Variants in GPC5 observed in about 807,000 individuals in gnomAD.
GPC5 encodes the protein glypican-5.
A neutral mutation model predicts 53.9 loss-of-function variants in GPC5; 47 were observed. That is an observed-to-expected ratio of 0.87 (90% CI 0.69 to 1.11). The LOEUF (loss-of-function observed/expected upper bound fraction) is 1.11. GPC5 is among the 50% of genes most tolerant of loss of function. GPC5 has a pLI of 0.00. For synonymous variants in GPC5, 286 were observed against 263.3 expected (o/e 1.09, Z -0.84); for missense variants, 748 against 713.1 (o/e 1.05, Z -0.56).
At chr13:92,470,439 G>A (rs1378260674) in intron 7 of GPC5, among the ~76,000 whole-genome samples, 2 of 152,054 alleles carry the variant, frequency 1.3e-5, no homozygotes, top group Non-Finnish European at 2.9e-5. Flanking sequence ...AGGTATATAT[G>A]TGCCATGGTG....
chr13:92,819,660 TA>T (rs1368157623), intron 7 of GPC5, among the ~76,000 whole-genome samples: 4 of 152,234 alleles, frequency 2.6e-5, no homozygotes, highest in African/African-American at 4.8e-5. Flanking sequence ...AGAGAGTATT[TA>T]TTATCATTCA....
At chr13:91,877,255 A>G (rs2039213353) in intron 5 of GPC5, among the ~76,000 whole-genome samples, 1 of 152,176 alleles carries the variant, frequency 6.6e-6, no homozygotes. Context: ...CTGTGAGAAG[A>G]GGGCTGCTGT....
chr13:91,949,471 G>T (rs2040006285), intron 6 of GPC5, among the ~76,000 whole-genome samples: 1 of 152,108 alleles, frequency 6.6e-6, no homozygotes, highest in African/African-American at 2.4e-5. Context: ...ACAGCAAAAA[G>T]AAAATAATGA....
chr13:92,517,494 G>C (rs535535752), intron 7 of GPC5, among the ~76,000 whole-genome samples: 11 of 152,296 alleles, frequency 7.2e-5, no homozygotes, highest in Admixed American at 5.9e-4. Flanking sequence ...GAAGCTTCCA[G>C]AGGAACGATC....
intron 6 of GPC5, among the ~76,000 whole-genome samples, chr13:92,135,864 C>T (rs1400399736): frequency 1.3e-5 from 2 of 152,156 alleles, no homozygotes; most frequent in Non-Finnish European, 2.9e-5. Context: ...CATTGTAAAG[C>T]GCGTTCGGCT....
chr13:92,715,290 T>C (rs1261924950), intron 7 of GPC5, among the ~76,000 whole-genome samples: 1 of 152,158 alleles, frequency 6.6e-6, no homozygotes, highest in Non-Finnish European at 1.5e-5. Flanking sequence ...AGAAGTACTA[T>C]TTATAGACTG....
chr13:91,561,289 A>G (rs1180921035), intron 2 of GPC5, among the ~76,000 whole-genome samples: 1 of 152,118 alleles, frequency 6.6e-6, no homozygotes, highest in South Asian at 2.1e-4. Flanking sequence ...GAGGGCCATT[A>G]TGGTAGGAAG....
chr13:91,939,945 C>T (rs184605262), intron 6 of GPC5, among the ~76,000 whole-genome samples: 8 of 152,230 alleles, frequency 5.3e-5, no homozygotes, highest in Admixed American at 4.6e-4. Flanking sequence ...CTCTTTTGGG[C>T]CCTGTTTAGA....
chr13:92,216,790 G>C (rs2042413414), intron 7 of GPC5, among the ~76,000 whole-genome samples: 1 of 151,934 alleles, frequency 6.6e-6, no homozygotes, highest in East Asian at 1.9e-4. Flanking sequence ...GACCAGCCTG[G>C]CCAACATGGT....
intron 2 of GPC5, among the ~76,000 whole-genome samples, chr13:91,512,529 A>G (rs1446835639): frequency 6.6e-6 from 1 of 152,198 alleles, no homozygotes; most frequent in Non-Finnish European, 1.5e-5. Context: ...GTACTGGGCC[A>G]TGTCCCTGCA....
At chr13:92,106,691 C>T (rs1180661216) in intron 6 of GPC5, among the ~76,000 whole-genome samples, 2 of 152,094 alleles carry the variant, frequency 1.3e-5, no homozygotes, top group East Asian at 3.9e-4. Context: ...GGTAATTGTT[C>T]ATGTGTGCTA....
chr13:91,955,356 G>A (rs1219417411), intron 6 of GPC5, among the ~76,000 whole-genome samples: 1 of 152,192 alleles, frequency 6.6e-6, no homozygotes, highest in Non-Finnish European at 1.5e-5. Context: ...ATGTTATATT[G>A]TGGAAGATGG....
rs750477856 is a variant in GPC5 at position 91,768,502 on chromosome 13, C to T, written c.1280+12082C>T. Among the ~76,000 whole-genome samples, 76 of 151,986 alleles carry T rather than the reference C, an allele frequency of 5.0e-4. 1 individual carries two copies. Among genetic ancestry groups the T allele is most frequent in the African/African-American group, 1.4e-3 (59 of 41,416 alleles). ...TCTAAACACACACACAAAAATAATT[C>T]GCATGCATTACTTCTTCAGGAAAAT... On this transcript the variant is annotated intron_variant, in intron 5 of 7. Coordinates refer to ENST00000377067, the MANE Select transcript of GPC5 (RefSeq NM_004466.6).
intron 7 of GPC5, among the ~76,000 whole-genome samples, chr13:92,820,368 TTTGTTG>T (rs1159927742): frequency 1.3e-5 from 2 of 152,188 alleles, no homozygotes; most frequent in Non-Finnish European, 2.9e-5. Flanking sequence ...CCTTTCAGGT[TTTGTTG>T]TTGTTGTTTT....
intron 2 of GPC5, among the ~76,000 whole-genome samples, chr13:91,481,132 C>A (rs1034186308): frequency 3.9e-5 from 6 of 152,058 alleles, no homozygotes; most frequent in Non-Finnish European, 8.8e-5. Context: ...TGAAGAACAT[C>A]CTTAGACTAC....
intron 2 of GPC5, among the ~76,000 whole-genome samples, chr13:91,455,858 C>T (rs1881504437): frequency 6.6e-6 from 1 of 152,044 alleles, no homozygotes; most frequent in Admixed American, 6.6e-5. Flanking sequence ...ATACATGCAA[C>T]CCACTCATGA....
chr13:91,640,008 T>G (rs966591355), intron 2 of GPC5, among the ~76,000 whole-genome samples: 4 of 151,970 alleles, frequency 2.6e-5, no homozygotes, highest in Admixed American at 6.6e-5. Context: ...ATTTTGGTTC[T>G]CATACTCTTT....
At position 91,901,185 on chromosome 13, in the gene GPC5, CT is replaced by C. The variant is rs2039494073; in HGVS notation, c.1281-6750del. Among the ~76,000 whole-genome samples, 4 of 151,970 alleles carry C rather than the reference CT, an allele frequency of 2.6e-5. No individual in the cohort carries two copies. In the South Asian group the frequency reaches 8.3e-4, roughly 32 times the overall value. ...ACAATAAAGATCATAATAAGCTCTC[CT>C]TAATTCCATTTATTTTGACTTCATT... is the stretch of plus-strand genomic sequence containing the variant. On this transcript the variant is annotated intron_variant, in intron 5 of 7. Coordinates refer to ENST00000377067, the MANE Select transcript of GPC5 (RefSeq NM_004466.6).
At chr13:92,539,582 T>C (rs1474577746) in intron 7 of GPC5, among the ~76,000 whole-genome samples, 1 of 152,132 alleles carries the variant, frequency 6.6e-6, no homozygotes, top group Non-Finnish European at 1.5e-5. Context: ...ATTTATCAGA[T>C]GGGTAGATTG....
Sources: gnomAD v4.1 joint callset for allele counts (sites outside exome capture counted in the v4.1 genomes callset) on GRCh38, gnomAD v4.1.1 for gene constraint, MANE v1.5 for transcripts, NCBI Gene and HGNC (gene_info 2026-07-23, HGNC 2026-07-21) for gene names.